The following THOC2 variants were observed in gnomAD, a reference collection of about 807,000 sequenced individuals.
THOC2 encodes THO complex 2.
A neutral mutation model predicts 128.4 loss-of-function variants in THOC2; 10 were observed. That is an observed-to-expected ratio of 0.08 (90% confidence interval 0.05 to 0.13). The LOEUF (loss-of-function observed/expected upper bound fraction) is 0.13, where lower values mean the gene tolerates loss of function less well. Among genes scored for constraint, THOC2 ranks in the 10% least tolerant of loss-of-function variants. THOC2 has a pLI of 1.00. For synonymous variants in THOC2, 393 were observed against 396.9 expected (o/e 0.99, Z 0.12); for missense variants, 535 against 1,155.7 (o/e 0.46, Z 7.79).
intron 8 of THOC2, among the ~76,000 whole-genome samples, chrX:123,684,004 GGTAA>G (rs780503579): frequency 9.1e-5 from 10 of 109,945 alleles, no homozygotes; most frequent in African/African-American, 2.3e-4. Flanking sequence ...GTATTTATTG[GGTAA>G]GTATTTCTTA....
chrX:123,720,542 C>T (rs2051644333), intron 1 of THOC2, among the ~76,000 whole-genome samples: 1 of 111,791 alleles, frequency 8.9e-6, no homozygotes, highest in Admixed American at 9.6e-5. Context: ...CCAAATGATC[C>T]AGCATTCCTA....
intron 33 of THOC2, among the ~76,000 whole-genome samples, chrX:123,617,525 C>A (rs1223801489): frequency 9.0e-6 from 1 of 111,072 alleles, no homozygotes; most frequent in African/African-American, 3.3e-5. Flanking sequence ...AATCAAGAAA[C>A]CTTAATTTTA....
intron 1 of THOC2, among the ~76,000 whole-genome samples, chrX:123,728,365 G>A (rs2052087382): frequency 9.0e-6 from 1 of 111,330 alleles, no homozygotes; most frequent in African/African-American, 3.3e-5. Context: ...AACAAACAAA[G>A]TAGTAGCCTA....
In THOC2 at chrX:123,627,987, AATACATAC is replaced by A. The variant is rs745507271; in HGVS notation, c.2482-27_2482-20del. ...ACTTTGACTGTAGATAAAAAGTAAA[AATACATAC>A]ATACATACACACACAACATAATTTA... On this transcript the variant is annotated intron_variant, in intron 22 of 38. Transcript: ENST00000245838. The A allele has an allele frequency of 1.4e-4, 154 of 1,123,879 alleles. 1 individual carries two copies. The African/African-American group carries it at 2.5e-3, about 18-fold the overall frequency. 92.6% of individuals were successfully genotyped at this position (1,123,879 alleles called of 1,213,427 possible).
intron 8 of THOC2, among the ~76,000 whole-genome samples, chrX:123,679,343 C>A (rs907657641): frequency 9.0e-6 from 1 of 111,187 alleles, no homozygotes; most frequent in Admixed American, 9.6e-5. Flanking sequence ...GATGGTTAAT[C>A]ATTCCTTCCT....
At chrX:123,664,787 T>C (rs1165933655) in intron 12 of THOC2, among the ~76,000 whole-genome samples, 1 of 111,743 alleles carries the variant, frequency 8.9e-6, no homozygotes, top group Non-Finnish European at 1.9e-5. Flanking sequence ...GTAGTGGACA[T>C]ATGGGTGCTT....
At chrX:123,706,654 AAATGGGTTACC>A (rs2050947308) in intron 3 of THOC2, among the ~76,000 whole-genome samples, 193 bp downstream of exon 3, 1 of 109,681 alleles carries the variant, frequency 9.1e-6, no homozygotes, top group Non-Finnish European at 1.9e-5. Context: ...TGTCTGGCAA[AAATGGGTTACC>A]AATGTCACCT....
rs756078866 is a variant in THOC2, at chrX:123,638,034, A to C, written c.1921+9T>G. On this transcript the variant is annotated intron_variant, in intron 18 of 38. Coordinates refer to ENST00000245838, the MANE Select transcript of THOC2 (RefSeq NM_001081550.2). ...GTAATTTCATCTTTGGAAAAATAAA[A>C]ATACTTACTCTGAAGCCAGCTTGAG... 2 of 1,168,979 alleles carry C rather than the reference A, an allele frequency of 1.7e-6. No homozygotes were observed. The highest frequency in any genetic ancestry group is 2.3e-6 in the Non-Finnish European group (2 of 865,883).
At chrX:123,631,941 A>T in intron 21 of THOC2, 89 bp from the exon 22 acceptor site, 1 of 886,256 alleles carries the variant, frequency 1.1e-6, no homozygotes, top group Non-Finnish European at 1.6e-6. Flanking sequence ...AAGAATCCAA[A>T]TTTTATAACT....
At chrX:123,667,615 G>A (rs1303933333) in intron 10 of THOC2, among the ~76,000 whole-genome samples, 1 of 110,778 alleles carries the variant, frequency 9.0e-6, no homozygotes, top group East Asian at 2.8e-4. Flanking sequence ...GCGCATGCCT[G>A]TAGTCCCAGC....
rs1284169511 is a variant in THOC2 at position 123,613,566 on chromosome X, C to A, written c.4520-10G>T. On this transcript the variant is annotated splice_polypyrimidine_tract_variant and intron_variant, in intron 35 of 38. Coordinates refer to ENST00000245838, the MANE Select transcript of THOC2 (RefSeq NM_001081550.2). ...TGTTTTGAAACCCCCACTAAAATTA[C>A]AAAAGAAAATCATGAAAGCCTTTTC... is the stretch of plus-strand genomic sequence containing the variant. The A allele has an allele frequency of 2.5e-6, 3 of 1,208,196 alleles. No individual in the cohort carries two copies.
Position 123,627,784 on chromosome X carries a change from A to G in THOC2, c.2666T>C (p.Met889Thr), listed in dbSNP as rs1248436563. The G allele has an allele frequency of 8.3e-7, 1 of 1,211,559 alleles. No individual in the cohort carries two copies. The highest frequency in any genetic ancestry group is 1.1e-6 in the Non-Finnish European group (1 of 895,335). ...GGTGTGTGGAACTGCAAGGTCATAC[A>G]TTGTCAATGACCAGAATGTAGCATA... ...QFYATFWSLT[M>T]YDLAVPHTSY... The change falls in exon 23 of 39, where the codon ATG (methionine) becomes ACG (threonine). Residue 889 changes from methionine to threonine, a missense_variant. Physicochemically the swap from Met to Thr is moderately conservative, Grantham distance 81 (BLOSUM62 -1). Transcript: ENST00000245838.
intron 20 of THOC2, 97 bp from the exon 21 acceptor site, chrX:123,633,137 TAA>T: frequency 1.8e-6 from 1 of 556,531 alleles, no homozygotes; most frequent in African/African-American, 2.3e-5. Flanking sequence ...ATGCTTAATA[TAA>T]AAAACTCCTA....
At chrX:123,636,593 C>T (rs143964083) in intron 18 of THOC2, among the ~76,000 whole-genome samples, 2,640 of 111,034 alleles carry the variant, frequency 0.024, 77 homozygotes, top group African/African-American at 0.078. Context: ...AAAATGCCAG[C>T]CCCTGAATGT....
At chrX:123,682,259 AATG>A (rs1391906976) in intron 8 of THOC2, among the ~76,000 whole-genome samples, 1 of 112,300 alleles carries the variant, frequency 8.9e-6, no homozygotes, top group Non-Finnish European at 1.9e-5. Flanking sequence ...TTCACAATAA[AATG>A]AGAGAGAAAC....
chrX:123,696,647 C>G (rs755342965), intron 6 of THOC2, 74 bp downstream of exon 6: 1 of 1,034,899 alleles, frequency 9.7e-7, no homozygotes, highest in African/African-American at 1.9e-5. Context: ...CCCTTAGAAG[C>G]TACTAGGATT....
chrX:123,723,607 TA>T (rs912983646), intron 1 of THOC2, among the ~76,000 whole-genome samples: 25 of 101,191 alleles, frequency 2.5e-4, no homozygotes, highest in South Asian at 8.6e-4. Flanking sequence ...ATGAATGAAC[TA>T]AAAAAAAAAG....
chrX:123,731,748 G>C (rs781307036), intron 1 of THOC2, among the ~76,000 whole-genome samples: 3 of 111,198 alleles, frequency 2.7e-5, no homozygotes, highest in African/African-American at 9.8e-5. Context: ...AGCAGTGCGG[G>C]GGGTGCGGGG....
At chrX:123,635,264 T>C (rs1055230602) in intron 19 of THOC2, among the ~76,000 whole-genome samples, 1 of 111,898 alleles carries the variant, frequency 8.9e-6, no homozygotes, top group African/African-American at 3.2e-5. Context: ...TCTCCTGGCC[T>C]ATAGACAAAG....
Sources: gnomAD v4.1 joint callset for allele counts (sites outside exome capture counted in the v4.1 genomes callset) on GRCh38, gnomAD v4.1.1 for gene constraint, MANE v1.5 for transcripts, NCBI Gene and HGNC (gene_info 2026-07-23, HGNC 2026-07-21) for gene names.